The following PAM variants were observed in gnomAD, a reference collection of about 807,000 sequenced individuals.
PAM encodes peptidylglycine alpha-amidating monooxygenase, also known as peptidyl-glycine alpha-amidating monooxygenase.
In PAM, 72 loss-of-function variants were observed where a neutral mutation model predicts 122.1. The ratio of observed to expected loss-of-function variants is 0.59; its 90% CI spans 0.49 to 0.72. The LOEUF is 0.72. Among genes scored for constraint, PAM ranks in the 30% least tolerant of loss-of-function variants. The pLI is 0.00. For synonymous variants in PAM, 389 were observed against 404.4 expected, an observed-to-expected ratio of 0.96 and a Z score of 0.46; for missense variants, 1,106 against 1,183.7, an observed-to-expected ratio of 0.93 and a Z score of 0.96.
chr5:102,924,725 G>A (rs1057246184), intron 5 of PAM, among the ~76,000 whole-genome samples: 1 of 149,668 alleles, frequency 6.7e-6, no homozygotes. Flanking sequence ...TCACAGGATT[G>A]TTTCATATCA....
At chr5:102,826,032 G>A (rs887684292) in intron 1 of PAM, among the ~76,000 whole-genome samples, 7 of 151,978 alleles carry the variant, frequency 4.6e-5, no homozygotes, top group African/African-American at 1.7e-4. Flanking sequence ...TTTAAAATGA[G>A]GATAATAAGA....
At chr5:102,811,817 A>ATAAT (rs144221744) in intron 1 of PAM, among the ~76,000 whole-genome samples, 83 of 152,382 alleles carry the variant, frequency 5.4e-4, no homozygotes, top group African/African-American at 2.0e-3. Context: ...ATGCCTCAAA[A>ATAAT]TAATTAATGT....
intron 1 of PAM, among the ~76,000 whole-genome samples, chr5:102,815,398 C>T (rs1769451988): frequency 6.6e-6 from 1 of 152,056 alleles, no homozygotes; most frequent in African/African-American, 2.4e-5. Flanking sequence ...TTTTATCAGG[C>T]ATTTTATGGT....
At chr5:102,849,615 G>A (rs1780870305) in intron 1 of PAM, among the ~76,000 whole-genome samples, 1 of 151,824 alleles carries the variant, frequency 6.6e-6, no homozygotes, top group African/African-American at 2.4e-5. Context: ...ACAATCATGG[G>A]ACACTACTTG....
chr5:103,012,465 A>G (rs565566478), intron 21 of PAM, among the ~76,000 whole-genome samples: 11 of 152,312 alleles, frequency 7.2e-5, no homozygotes, highest in African/African-American at 2.4e-4. Flanking sequence ...GGGATCAAGT[A>G]TCATTCGTCT....
At chr5:102,960,612 T>A (rs1277013046) in intron 13 of PAM, among the ~76,000 whole-genome samples, 1 of 151,978 alleles carries the variant, frequency 6.6e-6, no homozygotes, top group African/African-American at 2.4e-5. Context: ...TCATATTGAC[T>A]GTCACTTTTT....
chr5:102,982,361 C>T (rs1044023096), intron 15 of PAM, among the ~76,000 whole-genome samples: 4 of 152,102 alleles, frequency 2.6e-5, no homozygotes, highest in African/African-American at 7.2e-5. Flanking sequence ...ATGCATGCCA[C>T]CCCTGGGCCC....
chr5:102,958,895 T>A (rs1275395051), intron 12 of PAM, among the ~76,000 whole-genome samples: 3 of 152,182 alleles, frequency 2.0e-5, no homozygotes, highest in Non-Finnish European at 4.4e-5. Flanking sequence ...AGCTTTTTTT[T>A]ATTAGTGTAG....
At chr5:102,906,875 G>A (rs1037535990) in intron 4 of PAM, among the ~76,000 whole-genome samples, 11 of 151,624 alleles carry the variant, frequency 7.3e-5, no homozygotes, top group Admixed American at 2.6e-4. Flanking sequence ...AATTAATAGT[G>A]GACTATTATA....
chr5:102,931,764 G>A (rs889502181), intron 7 of PAM, among the ~76,000 whole-genome samples: 7 of 151,842 alleles, frequency 4.6e-5, no homozygotes, highest in East Asian at 1.9e-4. Flanking sequence ...AGCTCTTGGC[G>A]CATATGGGAA....
chr5:102,803,135 AAG>A (rs1458941191), intron 1 of PAM, among the ~76,000 whole-genome samples: 13 of 137,600 alleles, frequency 9.4e-5, no homozygotes, highest in East Asian at 2.4e-4. Context: ...AAAAAAAAGA[AAG>A]AAAGAAAGAA....
At chr5:102,859,796 T>A (rs768953853) in intron 1 of PAM, among the ~76,000 whole-genome samples, 1 of 152,172 alleles carries the variant, frequency 6.6e-6, no homozygotes, top group Non-Finnish European at 1.5e-5. Flanking sequence ...TATACAGTAT[T>A]TTTACTGTAC....
intron 1 of PAM, among the ~76,000 whole-genome samples, chr5:102,845,362 A>G (rs1356925023): frequency 1.3e-5 from 2 of 152,204 alleles, no homozygotes; most frequent in South Asian, 4.1e-4. Context: ...GAGACAATTG[A>G]CAGGCATTTT....
chr5:102,887,771 T>C (rs1793596636), intron 3 of PAM, among the ~76,000 whole-genome samples: 1 of 151,950 alleles, frequency 6.6e-6, no homozygotes, highest in Non-Finnish European at 1.5e-5. Flanking sequence ...TCCTTGCACT[T>C]ACTACATTTC....
At chr5:102,940,111 T>TAC (rs1231068691) in intron 7 of PAM, among the ~76,000 whole-genome samples, 1 of 138,748 alleles carries the variant, frequency 7.2e-6, no homozygotes, top group African/African-American at 3.0e-5. Context: ...TATATATGTA[T>TAC]ACATACACAC....
In PAM at chr5:102,801,772, A is replaced by ATTTTTTTTTT. The variant is rs36068804; in HGVS notation, c.-374+46439_-374+46448dup. On this transcript the variant is annotated intron_variant, in intron 1 of 25. Transcript: ENST00000438793. ...CTTATTTGTATCCTAGGGAAAAGGT[A>ATTTTTTTTTT]TTTTTTTTTTTTTTTTTTTTTTTTG... is the stretch of plus-strand genomic sequence containing the variant. Among the ~76,000 whole-genome samples, 197 of 98,968 alleles carry ATTTTTTTTTT rather than the reference A, an allele frequency of 2.0e-3. 4 individuals carry two copies. In the East Asian group the frequency reaches 0.022, roughly 11 times the overall value. 64.9% of individuals were successfully genotyped at this position (98,968 alleles called of 152,430 possible). A position where few individuals can be genotyped will look rare whatever the true frequency, so the allele number is the denominator to read the frequency against.
chr5:102,945,219 T>G (rs868169233), intron 7 of PAM, among the ~76,000 whole-genome samples: 19 of 152,168 alleles, frequency 1.2e-4, no homozygotes, highest in Middle Eastern at 3.4e-3. Context: ...GAGTATTAAG[T>G]ACCTAGATTT....
At chr5:102,914,046 A>G (rs900271272) in intron 5 of PAM, 25 bp downstream of exon 5, 1 of 1,220,570 alleles carries the variant, frequency 8.2e-7, no homozygotes. Context: ...TTTACAGTAT[A>G]GAAGGGTGTA....
chr5:102,757,038 C>A (rs963573607), intron 1 of PAM, among the ~76,000 whole-genome samples: 2 of 152,134 alleles, frequency 1.3e-5, no homozygotes, highest in Non-Finnish European at 2.9e-5. Context: ...CCTTTAAGAT[C>A]ATCATTTGGC....
Sources: allele counts gnomAD v4.1 joint callset (sites outside exome capture counted in the v4.1 genomes callset), GRCh38; gene constraint gnomAD v4.1.1; transcripts MANE v1.5; gene names NCBI Gene and HGNC (gene_info 2026-07-23, HGNC 2026-07-21).